The following RACGAP1 variants were observed in gnomAD, a reference collection of about 807,000 sequenced individuals.
RACGAP1 encodes Rac GTPase activating protein 1, also known as rac GTPase-activating protein 1.
RACGAP1 carries 30 observed loss-of-function variants against 78.1 expected under a neutral mutation model. That is an observed-to-expected ratio of 0.38 (90% CI 0.29 to 0.52). The LOEUF is 0.52. Ranked by LOEUF, RACGAP1 falls within the 20% of genes least tolerant of loss-of-function variation. The pLI, the probability that RACGAP1 is intolerant of heterozygous loss-of-function variation, is 0.82. For synonymous variants in RACGAP1, 231 were observed against 264.8 expected, an observed-to-expected ratio of 0.87 and a Z score of 1.24; for missense variants, 587 against 777.1, an observed-to-expected ratio of 0.76 and a Z score of 2.91.
intron 6 of RACGAP1, 57 bp downstream of exon 6, chr12:50,002,190 C>A: frequency 6.5e-7 from 1 of 1,540,958 alleles, no homozygotes; most frequent in South Asian, 1.2e-5. Context: ...GCAAAATTTC[C>A]AAAAATAACT....
chr12:50,032,709 T>A (rs1341109064), intron 1 of RACGAP1, among the ~76,000 whole-genome samples: 3 of 152,190 alleles, frequency 2.0e-5, no homozygotes, highest in Non-Finnish European at 4.4e-5. Flanking sequence ...AAGCTTGGGT[T>A]CGATTCCCCG....
At chr12:50,014,085 AC>A in intron 2 of RACGAP1, among the ~76,000 whole-genome samples, 1 of 152,358 alleles carries the variant, frequency 6.6e-6, no homozygotes, top group Middle Eastern at 3.4e-3. Flanking sequence ...GCTATTAAAA[AC>A]ATCAATCAAT....
At position 50,023,180 on chromosome 12, in the gene RACGAP1, A is replaced by G. The variant is rs193293641; in HGVS notation, c.-5+2218T>C. 1.6e-3 allele frequency among the ~76,000 whole-genome samples: 247 copies of G among 152,344 alleles called. 1 individual carries two copies. The highest frequency in any genetic ancestry group is 5.8e-3 in the African/African-American group (241 of 41,570). On this transcript the variant is annotated intron_variant, in intron 1 of 16. Coordinates refer to ENST00000312377, the MANE Select transcript of RACGAP1 (RefSeq NM_001319999.2). Reference sequence around the variant, plus strand: ...ATTCCTATGGACAATATTTTTCTTCAGGTGACTGTTTTCCTTAGACTAGAT... The same window carrying G: ...ATTCCTATGGACAATATTTTTCTTCGGGTGACTGTTTTCCTTAGACTAGAT...
intron 2 of RACGAP1, among the ~76,000 whole-genome samples, chr12:50,008,491 G>A (rs1162252174): frequency 1.3e-5 from 2 of 151,428 alleles, no homozygotes; most frequent in East Asian, 1.9e-4. Flanking sequence ...TAGCCACTGT[G>A]CCCAGCCTAC....
At chr12:50,011,953 CA>C (rs771572498) in intron 2 of RACGAP1, among the ~76,000 whole-genome samples, 6,440 of 34,486 alleles carry the variant, frequency 0.19, 82 homozygotes, top group African/African-American at 0.24. Context: ...GACTCCGTCT[CA>C]AAAAAAAAAA....
intron 3 of RACGAP1, among the ~76,000 whole-genome samples, chr12:50,005,960 A>C (rs1349114215): frequency 6.6e-6 from 1 of 152,228 alleles, no homozygotes; most frequent in Admixed American, 6.5e-5. Flanking sequence ...ACATTGCTCA[A>C]CTGGTTGAAT....
At chr12:50,011,873 GA>G (rs1949353961) in intron 2 of RACGAP1, among the ~76,000 whole-genome samples, 1 of 145,670 alleles carries the variant, frequency 6.9e-6, no homozygotes, top group East Asian at 2.1e-4. Flanking sequence ...AGAATGGCGT[GA>G]ATCTGGGAGG....
intron 7 of RACGAP1, 96 bp from the exon 8 acceptor site, chr12:49,999,829 TA>T: frequency 5.2e-6 from 5 of 956,554 alleles, no homozygotes; most frequent in Non-Finnish European, 6.7e-6. Context: ...TCCTTAGTCT[TA>T]GTCAAGACTT....
At chr12:49,996,744 A>G (rs1366400068) in intron 10 of RACGAP1, among the ~76,000 whole-genome samples, 12 of 145,234 alleles carry the variant, frequency 8.3e-5, no homozygotes, top group Non-Finnish European at 1.8e-4. Flanking sequence ...CTAGTTTTAT[A>G]TATGTCTGAA....
chr12:50,022,771 G>C (rs896916097), intron 1 of RACGAP1, among the ~76,000 whole-genome samples: 1 of 152,114 alleles, frequency 6.6e-6, no homozygotes, highest in Non-Finnish European at 1.5e-5. Flanking sequence ...AAGTTCTAAA[G>C]AGTTGATGAA....
intron 15 of RACGAP1, among the ~76,000 whole-genome samples, chr12:49,991,137 T>C (rs1231790586): frequency 6.6e-6 from 1 of 151,930 alleles, no homozygotes; most frequent in Non-Finnish European, 1.5e-5. Flanking sequence ...GAGACTGGAG[T>C]GAAACCAGCC....
chr12:50,018,157 CA>C (rs5798123), intron 1 of RACGAP1, among the ~76,000 whole-genome samples: 1,503 of 121,662 alleles, frequency 0.012, 17 homozygotes, highest in African/African-American at 0.052. Flanking sequence ...GACTCTGTCT[CA>C]AAAAAAAAAA....
intron 1 of RACGAP1, among the ~76,000 whole-genome samples, chr12:50,021,715 A>C (rs908430292): frequency 9.2e-5 from 14 of 152,220 alleles, no homozygotes; most frequent in Non-Finnish European, 1.9e-4. Flanking sequence ...GTTTTTCAGG[A>C]AAGTGTTTTA....
intron 1 of RACGAP1, among the ~76,000 whole-genome samples, chr12:50,024,367 A>G (rs1423550148): frequency 6.6e-6 from 1 of 152,178 alleles, no homozygotes; most frequent in Non-Finnish European, 1.5e-5. Context: ...TTGCAGCAAC[A>G]TGGATAGAAC....
intron 10 of RACGAP1, 74 bp from the exon 11 acceptor site, chr12:49,994,583 C>T: frequency 1.3e-6 from 2 of 1,540,832 alleles, no homozygotes; most frequent in Non-Finnish European, 1.7e-6. Flanking sequence ...ATGCGAAGAA[C>T]CACCTCCAAT....
chr12:49,996,543 G>C (rs1948275206), intron 10 of RACGAP1, among the ~76,000 whole-genome samples: 1 of 144,806 alleles, frequency 6.9e-6, no homozygotes, highest in African/African-American at 2.5e-5. Context: ...GGGAGGCTGA[G>C]GCAAGAAAAT....
At chr12:49,990,951 C>T (rs1053748205) in intron 15 of RACGAP1, among the ~76,000 whole-genome samples, 159 bp from the exon 16 acceptor site, 2 of 152,208 alleles carry the variant, frequency 1.3e-5, no homozygotes, top group Admixed American at 6.5e-5. Context: ...CTGTAACACA[C>T]TAGTGTATCT....
chr12:49,994,168 C>G lies in RACGAP1; in HGVS notation c.1302G>C (p.Leu434=). 3.1e-6 allele frequency: 5 copies of G among 1,613,442 alleles called. No individual in the cohort carries two copies. Among genetic ancestry groups the G allele is most frequent in the Non-Finnish European group, 4.2e-6 (5 of 1,179,988 alleles). Residue 434 remains leucine, a synonymous_variant, in exon 12 of 17, where the codon CTG becomes CTC. Transcript: ENST00000312377. ...TAAAGGCTCTGTTAAGGCGAAAGGT[C>G]AGAAGAGGTTCTTTGAGGTTTCGAA... ...DFLRNLKEPL[L]TFRLNRAFME...
Position 50,016,616 on chromosome 12 carries a change from C to G in RACGAP1, c.85+15G>C. Reference sequence around the variant, plus strand: ...TCTGTTTTTCCTTTGGACAGGCCAGCTCAGAATGACTTACGGACTTCATTT... The same window carrying G: ...TCTGTTTTTCCTTTGGACAGGCCAGGTCAGAATGACTTACGGACTTCATTT... On this transcript the variant is annotated intron_variant, in intron 2 of 16. Transcript: ENST00000312377. 1 of 1,610,364 alleles carries G rather than the reference C, an allele frequency of 6.2e-7. No individual in the cohort carries two copies. Among genetic ancestry groups the G allele is most frequent in the Non-Finnish European group, 8.5e-7 (1 of 1,176,980 alleles).
Sources: gnomAD v4.1 joint callset for allele counts (sites outside exome capture counted in the v4.1 genomes callset) on GRCh38, gnomAD v4.1.1 for gene constraint, MANE v1.5 for transcripts, NCBI Gene and HGNC (gene_info 2026-07-23, HGNC 2026-07-21) for gene names.